Variants in STK24 observed in about 807,000 individuals in gnomAD.
STK24 encodes the protein serine/threonine kinase 24.
Under a neutral mutation model 55.6 loss-of-function variants are expected in STK24, and 21 were observed. That is an observed-to-expected ratio of 0.38 (90% CI 0.27 to 0.54). The LOEUF is 0.54. Among genes scored for constraint, STK24 ranks in the 20% least tolerant of loss-of-function variants. The pLI is 0.79. For missense variants in STK24, 383 were observed against 538.4 expected (o/e 0.71, Z 2.86); for synonymous variants, 200 against 215.2 (o/e 0.93, Z 0.62).
At position 98,446,143 on chromosome 13, in the gene STK24, G is replaced by A. The variant is rs762497844; in HGVS notation, c.*7030C>T. On this transcript the variant is annotated 3_prime_UTR_variant, in exon 11 of 11. Coordinates refer to ENST00000539966, the MANE Select transcript of STK24 (RefSeq NM_001032296.4). Reference sequence around the variant, plus strand: ...GCTGAGGAAATTCAAAAACAGCAACGGGTGGCAGAAGCTGTGGGTGGTGTT... The same window carrying A: ...GCTGAGGAAATTCAAAAACAGCAACAGGTGGCAGAAGCTGTGGGTGGTGTT... 19 of 1,613,966 alleles carry A rather than the reference G, an allele frequency of 1.2e-5. No homozygotes were observed. Among genetic ancestry groups the A allele is most frequent in the African/African-American group, 2.7e-5 (2 of 74,956 alleles).
chr13:98,565,897 G>C (rs1488564940), intron 1 of STK24, among the ~76,000 whole-genome samples: 1 of 152,204 alleles, frequency 6.6e-6, no homozygotes, highest in Admixed American at 6.5e-5. Context: ...AATAATCCAG[G>C]AACAAGTTTC....
chr13:98,544,599 A>G (rs1458368422), intron 1 of STK24, among the ~76,000 whole-genome samples: 2 of 152,220 alleles, frequency 1.3e-5, no homozygotes, highest in Non-Finnish European at 2.9e-5. Context: ...CCCACCCTCC[A>G]AGCCGACCTG....
intron 9 of STK24, among the ~76,000 whole-genome samples, chr13:98,457,890 G>C (rs147980252): frequency 1.5e-3 from 232 of 152,324 alleles, no homozygotes; most frequent in South Asian, 3.9e-3. Flanking sequence ...AGCTCTCTGT[G>C]TGCCTTTCCC....
At chr13:98,530,745 G>A (rs749144753) in intron 1 of STK24, among the ~76,000 whole-genome samples, 1 of 152,180 alleles carries the variant, frequency 6.6e-6, no homozygotes, top group Non-Finnish European at 1.5e-5. Flanking sequence ...GGTCTGTTCC[G>A]GGATCAAACC....
At chr13:98,531,935 G>A (rs1051577212) in intron 1 of STK24, among the ~76,000 whole-genome samples, 7 of 152,138 alleles carry the variant, frequency 4.6e-5, no homozygotes, top group Non-Finnish European at 8.8e-5. Context: ...TCCCAGGGCC[G>A]ACCCTCCCTG....
At chr13:98,529,366 A>G (rs910929658) in intron 1 of STK24, among the ~76,000 whole-genome samples, 2 of 151,968 alleles carry the variant, frequency 1.3e-5, no homozygotes, top group Non-Finnish European at 2.9e-5. Context: ...GCAGCCTCCA[A>G]CTGATCCACT....
chr13:98,485,053 A>T (rs1566362029), intron 2 of STK24, among the ~76,000 whole-genome samples: 1 of 152,120 alleles, frequency 6.6e-6, no homozygotes, highest in Admixed American at 6.5e-5. Flanking sequence ...GGGGTGGGAT[A>T]TTGCATCAGG....
intron 1 of STK24, among the ~76,000 whole-genome samples, chr13:98,556,571 A>T (rs532054933): frequency 5.9e-5 from 9 of 152,218 alleles, no homozygotes; most frequent in Non-Finnish European, 1.3e-4. Context: ...ATGTGCCCCA[A>T]TGGTGAGTAA....
Position 98,519,484 on chromosome 13 carries a change from A to G in STK24, c.43-11T>C. On this transcript the variant is annotated splice_polypyrimidine_tract_variant and intron_variant, in intron 1 of 10. Coordinates refer to ENST00000539966, the MANE Select transcript of STK24 (RefSeq NM_001032296.4). ...GTCTGCCTTTAGGTTCTGTAGAGAG[A>G]AGGAAGAGAAAAGGGAAACTTTAGT... 6.2e-7 allele frequency: 1 copy of G among 1,609,972 alleles called. No individual in the cohort carries two copies.
intron 1 of STK24, among the ~76,000 whole-genome samples, chr13:98,562,698 G>A (rs555942001): frequency 5.5e-4 from 84 of 152,110 alleles, no homozygotes; most frequent in South Asian, 1.5e-3. Context: ...GGCAGATCAC[G>A]AGGTCAAGAG....
rs78173530 is a variant in STK24 at position 98,549,098 on chromosome 13, A to T, written c.42+27647T>A. Among the ~76,000 whole-genome samples, 19 of 152,318 alleles carry T rather than the reference A, an allele frequency of 1.2e-4. No homozygotes were observed. The East Asian group carries it at 3.7e-3, about 29-fold the overall frequency. ...ATGTAGATAACACATGCTGTGAAAC[A>T]CAATTTCAGTGAAGAGAATTTTTTT... On this transcript the variant is annotated intron_variant, in intron 1 of 10. Coordinates refer to ENST00000539966, the MANE Select transcript of STK24 (RefSeq NM_001032296.4).
At chr13:98,479,088 CG>C (rs1566358335) in intron 3 of STK24, among the ~76,000 whole-genome samples, 1 of 152,132 alleles carries the variant, frequency 6.6e-6, no homozygotes, top group East Asian at 1.9e-4. Flanking sequence ...TTTCCCTCCC[CG>C]GGCTACAAAG....
intron 1 of STK24, among the ~76,000 whole-genome samples, chr13:98,538,426 T>C (rs186845886): frequency 6.6e-6 from 1 of 152,084 alleles, no homozygotes; most frequent in African/African-American, 2.4e-5. Flanking sequence ...GGTTTCACCA[T>C]GTTGGTCAAG....
At chr13:98,563,536 T>A (rs991899704) in intron 1 of STK24, among the ~76,000 whole-genome samples, 4 of 152,134 alleles carry the variant, frequency 2.6e-5, no homozygotes, top group Non-Finnish European at 5.9e-5. Flanking sequence ...AATGTGCTGT[T>A]TACCCTTGTA....
intron 3 of STK24, among the ~76,000 whole-genome samples, chr13:98,476,756 G>C (rs1894393352): frequency 1.3e-5 from 2 of 152,186 alleles, no homozygotes; most frequent in South Asian, 4.1e-4. Flanking sequence ...TGGGTGAGCT[G>C]TGCTGCCTTG....
At chr13:98,564,814 A>C (rs762430307) in intron 1 of STK24, among the ~76,000 whole-genome samples, 6 of 152,192 alleles carry the variant, frequency 3.9e-5, no homozygotes, top group Non-Finnish European at 5.9e-5. Flanking sequence ...CAGAAGCAGG[A>C]GGACTGCTTG....
rs1317610958 is a variant in STK24 at position 98,463,839 on chromosome 13, G to C, written c.784-3C>G. The C allele has an allele frequency of 5.6e-6, 9 of 1,610,676 alleles. No homozygotes were observed. Among genetic ancestry groups the C allele is most frequent in the Non-Finnish European group, 7.6e-6 (9 of 1,178,246 alleles). On this transcript the variant is annotated splice_polypyrimidine_tract_variant and splice_region_variant and intron_variant, in intron 6 of 10. Transcript: ENST00000539966. The stretch of plus-strand genomic sequence containing the variant: ...AATAACTCCTTAGCAGTGGGTCTCT[G>C]GAAAAACACACCCAACAATTAAAGT...
chr13:98,498,581 C>A (rs1275793310), intron 2 of STK24, among the ~76,000 whole-genome samples: 1 of 152,222 alleles, frequency 6.6e-6, no homozygotes, highest in East Asian at 1.9e-4. Flanking sequence ...TCTGGTGAGT[C>A]TTCTCTGCAA....
chr13:98,535,051 T>TA (rs1896677701), intron 1 of STK24, among the ~76,000 whole-genome samples: 1 of 152,166 alleles, frequency 6.6e-6, no homozygotes, highest in African/African-American at 2.4e-5. Flanking sequence ...AAGAATTTGA[T>TA]AAAAAATATG....
Sources: allele counts gnomAD v4.1 joint callset (sites outside exome capture counted in the v4.1 genomes callset), GRCh38; gene constraint gnomAD v4.1.1; transcripts MANE v1.5; gene names NCBI Gene and HGNC (gene_info 2026-07-23, HGNC 2026-07-21).